AIDA: variants seen among roughly 807,000 people sequenced by gnomAD.
AIDA encodes the protein axin interactor, dorsalization-associated protein.
Under a neutral mutation model 42.7 loss-of-function variants are expected in AIDA, and 18 were observed. The observed-to-expected ratio is 0.42, with a 90% CI of 0.29 to 0.63. The LOEUF is 0.63. Among genes scored for constraint, AIDA ranks in the 20% least tolerant of loss-of-function variants. The pLI, the probability that AIDA is intolerant of heterozygous loss-of-function variation, is 0.19. For synonymous variants in AIDA, 104 were observed against 122.9 expected, an observed-to-expected ratio of 0.85 and a Z score of 1.02; for missense variants, 250 against 354.1, an observed-to-expected ratio of 0.71 and a Z score of 2.36.
chr1:222,675,419 G>C (rs532621080), intron 7 of AIDA, among the ~76,000 whole-genome samples: 5 of 152,256 alleles, frequency 3.3e-5, no homozygotes, highest in Non-Finnish European at 7.4e-5. Context: ...TGAAAATGTT[G>C]TTTTTAAGGA....
At chr1:222,676,721 T>C (rs1438091926) in intron 6 of AIDA, among the ~76,000 whole-genome samples, 2 of 152,050 alleles carry the variant, frequency 1.3e-5, no homozygotes, top group African/African-American at 4.8e-5. Context: ...AGTGGCACAA[T>C]CACAGCTCAC....
At chr1:222,680,802 A>G (rs932281989) in intron 6 of AIDA, among the ~76,000 whole-genome samples, 1 of 152,222 alleles carries the variant, frequency 6.6e-6, no homozygotes, top group Non-Finnish European at 1.5e-5. Context: ...TCACTTAAAA[A>G]AGGCTCAAAA....
In AIDA at chr1:222,670,183, A is replaced by G; in HGVS notation, c.774T>C (p.Phe258=). ...PKKRFTSTKC[F]AFMEMDEIKP... is the part of the protein sequence containing the mutation. Reference sequence around the variant, plus strand: ...TAATTTCATCCATCTCCATGAAAGCAAAACACTTGGTGCTGGTAAACCTTT... The same window carrying G: ...TAATTTCATCCATCTCCATGAAAGCGAAACACTTGGTGCTGGTAAACCTTT... Residue 258 remains phenylalanine, a synonymous_variant, in exon 9 of 10, where the codon TTT becomes TTC. Coordinates refer to ENST00000340020, the MANE Select transcript of AIDA (RefSeq NM_022831.4). 6.2e-7 allele frequency: 1 copy of G among 1,614,158 alleles called. No homozygotes were observed. The highest frequency in any genetic ancestry group is 1.1e-5 in the South Asian group (1 of 91,086).
At chr1:222,710,223 A>C (rs1031116961) in intron 1 of AIDA, among the ~76,000 whole-genome samples, 2 of 152,216 alleles carry the variant, frequency 1.3e-5, no homozygotes, top group Non-Finnish European at 2.9e-5. Context: ...TTTTATATGT[A>C]GCCTACATGT....
chr1:222,687,728 T>A (rs905162724), intron 4 of AIDA, 70 bp from the exon 5 acceptor site: 5 of 1,159,880 alleles, frequency 4.3e-6, no homozygotes, highest in Middle Eastern at 3.1e-4. Context: ...CTTAAATGAT[T>A]AATTTTTAAT....
At chr1:222,674,348 T>C (rs1438533465) in intron 7 of AIDA, among the ~76,000 whole-genome samples, 1 of 152,116 alleles carries the variant, frequency 6.6e-6, no homozygotes, top group Non-Finnish European at 1.5e-5. Context: ...ATTTCATCTT[T>C]ATAGGGAAGA....
At position 222,678,213 on chromosome 1, in the gene AIDA, G is replaced by A. The variant is rs561678607; in HGVS notation, c.461-1995C>T. 2.6e-5 allele frequency among the ~76,000 whole-genome samples: 4 copies of A among 151,382 alleles called. No homozygotes were observed. The East Asian group carries it at 7.8e-4, about 29-fold the overall frequency. On this transcript the variant is annotated intron_variant, in intron 6 of 9. Transcript: ENST00000340020. ...TGTATATCTTGGGGTGTGTGTGTGT[G>A]TGTGTGTGTGTGTGTGTGTGTGTAC...
At chr1:222,702,035 A>C (rs77088510) in intron 2 of AIDA, among the ~76,000 whole-genome samples, 4,389 of 152,296 alleles carry the variant, frequency 0.029, 215 homozygotes, top group African/African-American at 0.099. Context: ...AAAAAAAAAA[A>C]AATTCTTTTA....
At chr1:222,696,618 T>C (rs1489683292) in intron 2 of AIDA, among the ~76,000 whole-genome samples, 1 of 152,240 alleles carries the variant, frequency 6.6e-6, no homozygotes, top group Non-Finnish European at 1.5e-5. Context: ...CAGGGTGGTA[T>C]GGTGGCAGAC....
chr1:222,682,357 G>A (rs536014062), intron 6 of AIDA, among the ~76,000 whole-genome samples: 34 of 152,062 alleles, frequency 2.2e-4, no homozygotes, highest in South Asian at 1.2e-3. Flanking sequence ...TGAAAACATC[G>A]TGATTTGAAT....
chr1:222,696,491 A>T (rs531375692), intron 2 of AIDA, among the ~76,000 whole-genome samples: 1 of 152,314 alleles, frequency 6.6e-6, no homozygotes, highest in East Asian at 1.9e-4. Flanking sequence ...AAAGTGTGAA[A>T]ACTGAAGCAC....
chr1:222,695,107 T>C (rs1225772053), intron 2 of AIDA, among the ~76,000 whole-genome samples: 2 of 152,180 alleles, frequency 1.3e-5, no homozygotes, highest in East Asian at 3.8e-4. Flanking sequence ...AATAACCAGC[T>C]GAGGAATCTG....
intron 6 of AIDA, among the ~76,000 whole-genome samples, chr1:222,682,851 T>TA (rs1356825579): frequency 6.6e-6 from 1 of 152,206 alleles, no homozygotes; most frequent in Non-Finnish European, 1.5e-5. Context: ...AGATGGAAGA[T>TA]AACACATGAA....
In AIDA at chr1:222,675,275, A is replaced by T. The variant is rs866653035; in HGVS notation, c.583+821T>A. ...AGCTGTGCAGTTGTTTCTGGATAGG[A>T]GTATGACAACTTCATTCTCAATCAC... is the stretch of plus-strand genomic sequence containing the variant. On this transcript the variant is annotated intron_variant, in intron 7 of 9. Transcript: ENST00000340020. 2.0e-4 allele frequency among the ~76,000 whole-genome samples: 30 copies of T among 152,338 alleles called. No individual in the cohort carries two copies. The Middle Eastern group carries it at 0.014, about 69-fold the overall frequency.
intron 2 of AIDA, among the ~76,000 whole-genome samples, chr1:222,700,624 C>T (rs35290198): frequency 7.2e-5 from 2 of 27,754 alleles, no homozygotes; most frequent in Non-Finnish European, 2.0e-4. Context: ...GGCGCGGTGG[C>T]GGGCGCCTTA....
In AIDA at chr1:222,669,956, T is replaced by C; in HGVS notation, c.858A>G (p.Lys286=). The change falls in exon 10 of 10, where the codon AAA becomes AAG. Residue 286 remains lysine (K), a synonymous_variant. Transcript: ENST00000340020. ...YKKPTDFKRK[K]LQLLTKKPLY... is the part of the protein sequence containing the mutation. ...GTGGTTTCTTGGTCAATAATTGCAA[T>C]TTCTTTCTTTTAAAGTCAGTGGGTT... 1 of 1,613,926 alleles carries C rather than the reference T, an allele frequency of 6.2e-7. No homozygotes were observed. The highest frequency in any genetic ancestry group is 8.5e-7 in the Non-Finnish European group (1 of 1,179,964).
intron 2 of AIDA, among the ~76,000 whole-genome samples, chr1:222,695,504 G>A (rs944075756): frequency 1.3e-5 from 2 of 151,928 alleles, no homozygotes; most frequent in Non-Finnish European, 2.9e-5. Flanking sequence ...AAAAAAAGAA[G>A]ACTATTGTGA....
rs1558215344 is a variant in AIDA, at chr1:222,700,981, G to GGGT, written c.180+2166_180+2167insACC. 3.5e-5 allele frequency among the ~76,000 whole-genome samples: 5 copies of GGGT among 144,806 alleles called. 1 individual carries two copies. Among genetic ancestry groups the GGGT allele is most frequent in the Admixed American group, 6.8e-5 (1 of 14,786 alleles). 95.0% of individuals were successfully genotyped at this position (144,806 alleles called of 152,430 possible). A position where few individuals can be genotyped will look rare whatever the true frequency, so the allele number is the denominator to read the frequency against. ...TTTCTTGATTTTTTTTGGGGGGGGG[G>GGGT]GGACAGGGTCTCACTGTGTCGCCCA... On this transcript the variant is annotated intron_variant, in intron 2 of 9. Coordinates refer to ENST00000340020, the MANE Select transcript of AIDA (RefSeq NM_022831.4).
chr1:222,685,405 C>T (rs1252340441), intron 6 of AIDA, among the ~76,000 whole-genome samples: 1 of 152,148 alleles, frequency 6.6e-6, no homozygotes, highest in Non-Finnish European at 1.5e-5. Context: ...GACTCAAAAG[C>T]CCAGTTATCT....
Sources: gnomAD v4.1 joint callset for allele counts (sites outside exome capture counted in the v4.1 genomes callset) on GRCh38, gnomAD v4.1.1 for gene constraint, MANE v1.5 for transcripts, NCBI Gene and HGNC (gene_info 2026-07-23, HGNC 2026-07-21) for gene names.